FBXO15: variants seen among roughly 807,000 people sequenced by gnomAD.
FBXO15 encodes F-box only protein 15.
In FBXO15, 30 loss-of-function variants were observed where a neutral mutation model predicts 49.5. The ratio of observed to expected loss-of-function variants is 0.61; its 90% CI spans 0.45 to 0.82. The LOEUF (loss-of-function observed/expected upper bound fraction) is 0.82. FBXO15 is among the 40% of genes least tolerant of loss of function. FBXO15 has a pLI of 0.00. For synonymous variants in FBXO15, 250 were observed against 232.7 expected (o/e 1.07, Z -0.68); for missense variants, 591 against 631.5 (o/e 0.94, Z 0.69).
At chr18:74,084,877 C>T (rs892550518) in intron 8 of FBXO15, among the ~76,000 whole-genome samples, 1 of 152,070 alleles carries the variant, frequency 6.6e-6, no homozygotes, top group Non-Finnish European at 1.5e-5. Flanking sequence ...ATGAATGGAA[C>T]TGATAATATT....
chr18:74,087,856 C>T (rs1912818532), intron 8 of FBXO15, among the ~76,000 whole-genome samples: 1 of 152,170 alleles, frequency 6.6e-6, no homozygotes, highest in African/African-American at 2.4e-5. Context: ...TCCCTTTTCT[C>T]CACAACCTTG....
At position 74,145,360 on chromosome 18, in the gene FBXO15, T is replaced by C. The variant is rs190096549; in HGVS notation, c.116+2310A>G. On this transcript the variant is annotated intron_variant, in intron 1 of 9. Coordinates refer to ENST00000419743, the MANE Select transcript of FBXO15 (RefSeq NM_001142958.2). ...CTGTTTTGTTTTTTCACAATTAAAA[T>C]GGATCTCATAGAGTCCCTCATTTCA... Among the ~76,000 whole-genome samples, 371 of 152,312 alleles carry C rather than the reference T, an allele frequency of 2.4e-3. 4 individuals are homozygous for C. The highest frequency in any genetic ancestry group is 0.02 in the Admixed American group (299 of 15,298).
intron 9 of FBXO15, chr18:74,076,107 G>A (rs1379554771): frequency 6.6e-6 from 1 of 152,256 alleles, no homozygotes; most frequent in African/African-American, 2.4e-5. Flanking sequence ...TCATCTGGCT[G>A]TGCATGCCTG....
chr18:74,096,760 T>C (rs1936169076), intron 8 of FBXO15, among the ~76,000 whole-genome samples: 1 of 151,744 alleles, frequency 6.6e-6, no homozygotes, highest in Non-Finnish European at 1.5e-5. Flanking sequence ...TTAAGGAAAC[T>C]CAGTGATCTC....
In FBXO15 at chr18:74,123,413, C is replaced by A; in HGVS notation, c.1093G>T (p.Val365Phe). 6.2e-7 allele frequency: 1 copy of A among 1,613,806 alleles called. No individual in the cohort carries two copies. Among genetic ancestry groups the A allele is most frequent in the East Asian group, 2.2e-5 (1 of 44,854 alleles). The change falls in exon 8 of 10, where the codon GTT becomes TTT. Residue 365 changes from valine to phenylalanine, a missense_variant. By Grantham distance (50) the Val-to-Phe change is conservative. Transcript: ENST00000419743. ...QLHVDLHSGG[V>F]FYLCGTFRNL... is the part of the protein sequence containing the mutation. Reference sequence around the variant, plus strand: ...CGAAATGTACCACATAGGTAGAAAACCCCACCGCTGTGCAGATCAACATGG... The same window carrying A: ...CGAAATGTACCACATAGGTAGAAAAACCCACCGCTGTGCAGATCAACATGG...
At chr18:74,097,959 C>T (rs898668808) in intron 8 of FBXO15, 3 of 152,490 alleles carry the variant, frequency 2.0e-5, no homozygotes, top group Non-Finnish European at 2.9e-5. Flanking sequence ...ACACCCCCTC[C>T]TTCCCCCAGT....
At chr18:74,140,520 T>C (rs1326733400) in intron 1 of FBXO15, among the ~76,000 whole-genome samples, 1 of 148,596 alleles carries the variant, frequency 6.7e-6, no homozygotes, top group Non-Finnish European at 1.5e-5. Flanking sequence ...CAGTGAAACC[T>C]TGATGGTAAG....
intron 8 of FBXO15, among the ~76,000 whole-genome samples, chr18:74,101,214 A>C (rs1913503761): frequency 6.6e-6 from 1 of 152,170 alleles, no homozygotes; most frequent in African/African-American, 2.4e-5. Context: ...CACCATGATC[A>C]AGTGGGTTTC....
intron 3 of FBXO15, among the ~76,000 whole-genome samples, chr18:74,131,379 C>G (rs113765041): frequency 2.0e-5 from 3 of 152,172 alleles, no homozygotes; most frequent in African/African-American, 7.2e-5. Context: ...GGTCTGTGCA[C>G]TCAAGTGTAT....
chr18:74,127,988 G>T (rs79838315), intron 5 of FBXO15, among the ~76,000 whole-genome samples: 2 of 152,090 alleles, frequency 1.3e-5, no homozygotes, highest in African/African-American at 4.8e-5. Flanking sequence ...TTCTCCAAAC[G>T]TAATTTTGAA....
intron 8 of FBXO15, among the ~76,000 whole-genome samples, chr18:74,086,396 A>T (rs1019935512): frequency 6.6e-6 from 1 of 152,192 alleles, no homozygotes; most frequent in African/African-American, 2.4e-5. Flanking sequence ...GACATTTTCT[A>T]TTGTGTCTTA....
Position 74,081,957 on chromosome 18 carries a change from C to A in FBXO15, c.1233G>T (p.Trp411Cys). ...LPLIGKVGLSWKTDIFDGCIK... is the reference protein window; with the variant it reads ...LPLIGKVGLSCKTDIFDGCIK... ...TACAGCCATCAAAAATATCAGTTTT[C>A]CACGAGAGGCCAACTTTTCCAATAA... Residue 411 changes from tryptophan (W) to cysteine (C), a missense_variant, in exon 9 of 10, where the codon TGG becomes TGT. Physicochemically the swap from Trp to Cys is radical, Grantham distance 215 (BLOSUM62 -2). Transcript: ENST00000419743. 6.2e-7 allele frequency: 1 copy of A among 1,612,996 alleles called. No homozygotes were observed. The highest frequency in any genetic ancestry group is 8.5e-7 in the Non-Finnish European group (1 of 1,179,416).
chr18:74,080,686 T>C (rs142491672), intron 9 of FBXO15, among the ~76,000 whole-genome samples: 178 of 152,356 alleles, frequency 1.2e-3, no homozygotes, highest in African/African-American at 4.2e-3. Context: ...GTGGGTCCAT[T>C]ATGTAGCTTA....
intron 8 of FBXO15, among the ~76,000 whole-genome samples, chr18:74,117,551 A>G (rs1055301809): frequency 6.6e-6 from 1 of 152,144 alleles, no homozygotes; most frequent in Admixed American, 6.5e-5. Context: ...AGGAAGCAGG[A>G]CATACCCAGC....
At position 74,074,081 on chromosome 18, in the gene FBXO15, C is replaced by T. The variant is rs759772767; in HGVS notation, c.1264-351G>A. Among the ~76,000 whole-genome samples the T allele has an allele frequency of 8.5e-5, 13 of 152,164 alleles. No homozygotes were observed. The highest frequency in any genetic ancestry group is 6.5e-5 in the Admixed American group (1 of 15,282). On this transcript the variant is annotated intron_variant, in intron 9 of 9. Coordinates refer to ENST00000419743, the MANE Select transcript of FBXO15 (RefSeq NM_001142958.2). This position sits in a 1 kb window ranked among gnomAD's most constrained non-coding sequence, Gnocchi z 4.7. ...ACAAATCACACCAACAACCAGTCAG[C>T]GCTTCCGAGCGTGAGGCACCGCATC...
intron 8 of FBXO15, among the ~76,000 whole-genome samples, chr18:74,109,679 G>A (rs1444983149): frequency 6.6e-6 from 1 of 152,160 alleles, no homozygotes; most frequent in Admixed American, 6.5e-5. Flanking sequence ...GTCCTTTGCA[G>A]GGACATGGAT....
At position 74,073,601 on chromosome 18, in the gene FBXO15, T is replaced by G; in HGVS notation, c.1393A>C (p.Asn465His). 6.2e-7 allele frequency: 1 copy of G among 1,614,162 alleles called. No individual in the cohort carries two copies. The highest frequency in any genetic ancestry group is 8.5e-7 in the Non-Finnish European group (1 of 1,180,030). The change falls in exon 10 of 10, where the codon AAC (asparagine) becomes CAC (histidine). Residue 465 changes from asparagine (N) to histidine (H), a missense_variant. Coordinates refer to ENST00000419743, the MANE Select transcript of FBXO15 (RefSeq NM_001142958.2). ...DSSSFLGQTY[N>H]VDYVDAEGRV... The stretch of plus-strand genomic sequence containing the variant: ...CCTTCCGCATCAACGTAGTCCACGT[T>G]GTATGTCTGTCCCAAGAAGCTAGAG...
intron 8 of FBXO15, among the ~76,000 whole-genome samples, chr18:74,111,713 A>G (rs1206842336): frequency 6.6e-6 from 1 of 152,150 alleles, no homozygotes; most frequent in Non-Finnish European, 1.5e-5. Context: ...AAAATTAAAA[A>G]CAGAAGATCA....
At chr18:74,135,954 C>G in intron 2 of FBXO15, 88 bp from the exon 3 acceptor site, 1 of 1,055,262 alleles carries the variant, frequency 9.5e-7, no homozygotes. Context: ...GGCTGCTCAT[C>G]TCTAAATAGA....
Sources: gnomAD v4.1 joint callset for allele counts (sites outside exome capture counted in the v4.1 genomes callset) on GRCh38, gnomAD v4.1.1 for gene constraint, Gnocchi (gnomAD v3.1) non-coding constraint, MANE v1.5 for transcripts, NCBI Gene and HGNC (gene_info 2026-07-23, HGNC 2026-07-21) for gene names.